Variants in ADRA1A observed in about 807,000 individuals in gnomAD.
The protein encoded by ADRA1A is alpha-1A adrenergic receptor.
Under a neutral mutation model 29.6 loss-of-function variants are expected in ADRA1A, and 31 were observed. That is an observed-to-expected ratio of 1.05 (90% CI 0.79 to 1.41). The LOEUF (loss-of-function observed/expected upper bound fraction) is 1.41, where lower values mean the gene tolerates loss of function less well. Ranked by LOEUF, ADRA1A falls within the 40% of genes most tolerant of loss-of-function variation. ADRA1A has a pLI of 0.00. For missense variants in ADRA1A, 619 were observed against 601.1 expected, an observed-to-expected ratio of 1.03 and a Z score of -0.31; for synonymous variants, 311 against 254.3, an observed-to-expected ratio of 1.22 and a Z score of -2.12.
chr8:26,783,774 CAACCCA>C (rs1208889028), intron 2 of ADRA1A, among the ~76,000 whole-genome samples: 5 of 152,164 alleles, frequency 3.3e-5, no homozygotes, highest in African/African-American at 1.2e-4. Context: ...GACATGGAAT[CAACCCA>C]AATGCCCATC....
At chr8:26,803,511 A>T (rs1418347577) in intron 2 of ADRA1A, among the ~76,000 whole-genome samples, 2 of 152,204 alleles carry the variant, frequency 1.3e-5, no homozygotes, top group Non-Finnish European at 2.9e-5. Context: ...TACCTTTGTG[A>T]TCCTAGAGTA....
In ADRA1A at chr8:26,866,117, G is replaced by A. The variant is rs993978263; in HGVS notation, c.-686-462C>T. ...ACCTGGAGGGGGCGGCCTGGGAGAG[G>A]GAACAGCTGCGACCCAGGGACCTCA... On this transcript the variant is annotated intron_variant, in intron 1 of 2. Coordinates refer to ENST00000380573, the MANE Select transcript of ADRA1A (RefSeq NM_000680.4). This position sits in a 1 kb window ranked among gnomAD's most constrained non-coding sequence, Gnocchi z 5.7. Among the ~76,000 whole-genome samples the A allele has an allele frequency of 6.6e-6, 1 of 152,154 alleles. No homozygotes were observed. The highest frequency in any genetic ancestry group is 6.5e-5 in the Admixed American group (1 of 15,290).
At chr8:26,857,473 C>T (rs895310465) in intron 2 of ADRA1A, among the ~76,000 whole-genome samples, 12 of 152,052 alleles carry the variant, frequency 7.9e-5, no homozygotes, top group South Asian at 2.1e-4. Flanking sequence ...TCAAGACCAG[C>T]CTGGACAACA....
chr8:26,855,333 T>A (rs1357769383), intron 2 of ADRA1A, among the ~76,000 whole-genome samples: 1 of 151,754 alleles, frequency 6.6e-6, no homozygotes. Flanking sequence ...CATTTGCATA[T>A]AGTGTGAGAA....
At chr8:26,798,497 A>G (rs533127394) in intron 2 of ADRA1A, among the ~76,000 whole-genome samples, 2 of 152,182 alleles carry the variant, frequency 1.3e-5, no homozygotes, top group South Asian at 4.1e-4. Context: ...CCTCCTGCTT[A>G]TTCTCATTTA....
intron 2 of ADRA1A, among the ~76,000 whole-genome samples, chr8:26,758,816 A>G (rs1282965937): frequency 6.6e-6 from 1 of 152,128 alleles, no homozygotes; most frequent in Non-Finnish European, 1.5e-5. Flanking sequence ...TCTTTCCAGT[A>G]TTTCTCTTTT....
At chr8:26,781,063 C>A (rs144726276) in intron 2 of ADRA1A, among the ~76,000 whole-genome samples, 25 of 152,314 alleles carry the variant, frequency 1.6e-4, no homozygotes, top group African/African-American at 5.8e-4. Flanking sequence ...ACCATCCTCC[C>A]ATCTCCAGGC....
chr8:26,848,025 C>G lies in ADRA1A; in HGVS notation c.883+16062G>C, dbSNP rs1431865441. Among the ~76,000 whole-genome samples, 3 of 152,220 alleles carry G rather than the reference C, an allele frequency of 2.0e-5. No individual in the cohort carries two copies. Among genetic ancestry groups the G allele is most frequent in the Non-Finnish European group, 4.4e-5 (3 of 68,044 alleles). On this transcript the variant is annotated intron_variant, in intron 2 of 2. Transcript: ENST00000380573. The surrounding 1 kb of genome is among the most constrained non-coding windows in gnomAD (Gnocchi z 4.3). ...AGCCACTGGCTCAACCCAAGCCCCT[C>G]TCCTACAGATGAGGACACCAGAGTG... is the stretch of plus-strand genomic sequence containing the variant.
In ADRA1A at chr8:26,860,896, A is replaced by G. The variant is rs1244652860; in HGVS notation, c.883+3191T>C. 6.6e-6 allele frequency among the ~76,000 whole-genome samples: 1 copy of G among 152,122 alleles called. No homozygotes were observed. Among genetic ancestry groups the G allele is most frequent in the African/African-American group, 2.4e-5 (1 of 41,420 alleles). ...CCTCCCACCATTGAAAGCTCTCTCT[A>G]TACCCCTCCAGCTACACCGCATCTC... On this transcript the variant is annotated intron_variant, in intron 2 of 2. Coordinates refer to ENST00000380573, the MANE Select transcript of ADRA1A (RefSeq NM_000680.4). This position sits in a 1 kb window ranked among gnomAD's most constrained non-coding sequence, Gnocchi z 4.7.
chr8:26,864,980 G>C lies in ADRA1A; in HGVS notation c.-11C>G, dbSNP rs748937966. The C allele has an allele frequency of 3.2e-6, 5 of 1,582,928 alleles. No individual in the cohort carries two copies. The highest frequency in any genetic ancestry group is 3.4e-4 in the Middle Eastern group (2 of 5,932). ...CGAGAGAAACACCATGGTCCCAGCC[G>C]GGGCCGGGCGAGGTCCGGCTGTCCA... On this transcript the variant is annotated 5_prime_UTR_variant, in exon 2 of 3. Transcript: ENST00000380573. The surrounding 1 kb of genome is among the most constrained non-coding windows in gnomAD (Gnocchi z 8.1).
chr8:26,859,191 T>C (rs1813263724), intron 2 of ADRA1A: 1 of 1,288,032 alleles, frequency 7.8e-7, no homozygotes. Flanking sequence ...ACGTCATATT[T>C]AAGAATGTAT....
Position 26,864,720 on chromosome 8 carries a change from C to A in ADRA1A, c.250G>T (p.Ala84Ser), listed in dbSNP as rs765619798. The part of the protein sequence containing the change: ...LLTSTVLPFS[A>S]IFEVLGYWAF... ...CAGTAGCCTAGGACCTCGAAGATGG[C>A]GGAGAAGGGCAGCACCGTGGAGGTG... Residue 84 changes from alanine (A) to serine (S), a missense_variant, in exon 2 of 3, where the codon GCC (alanine) becomes TCC (serine). Physicochemically the swap from Ala to Ser is moderately conservative, Grantham distance 99. Coordinates refer to ENST00000380573, the MANE Select transcript of ADRA1A (RefSeq NM_000680.4). This position sits in a 1 kb window ranked among gnomAD's most constrained non-coding sequence, Gnocchi z 8.1. 1 of 1,614,120 alleles carries A rather than the reference C, an allele frequency of 6.2e-7. No homozygotes were observed. Among genetic ancestry groups the A allele is most frequent in the Non-Finnish European group, 8.5e-7 (1 of 1,180,026 alleles).
downstream of ADRA1A, chr8:26,756,349 A>T: frequency 3.9e-6 from 4 of 1,036,948 alleles, no homozygotes; most frequent in Non-Finnish European, 5.0e-6. Context: ...TCCCCTTTTA[A>T]AAATGCCATT....
At chr8:26,752,175 C>G (rs1442010103), downstream of ADRA1A, among the ~76,000 whole-genome samples, 1 of 152,028 alleles carries the variant, frequency 6.6e-6, no homozygotes, top group African/African-American at 2.4e-5. Context: ...GGTAAAGATG[C>G]ATGTTTTCAG....
chr8:26,803,576 T>C (rs1808754940), intron 2 of ADRA1A, among the ~76,000 whole-genome samples: 1 of 152,120 alleles, frequency 6.6e-6, no homozygotes, highest in South Asian at 2.1e-4. Context: ...AGTAGATAAA[T>C]AAGCTTGATC....
downstream of ADRA1A, among the ~76,000 whole-genome samples, chr8:26,753,457 T>A (rs950458431): frequency 1.3e-5 from 2 of 152,164 alleles, no homozygotes; most frequent in African/African-American, 2.4e-5. Context: ...TCTATTTTTT[T>A]TTAAAGTGAG....
At chr8:26,847,877 T>C (rs985493531) in intron 2 of ADRA1A, among the ~76,000 whole-genome samples, 21 of 152,322 alleles carry the variant, frequency 1.4e-4, no homozygotes, top group African/African-American at 4.8e-4. Context: ...GAGGGCTGAG[T>C]GTTCAGGACG....
At chr8:26,748,750 T>TAAA (rs35884587) in intron 2 of ADRA1A, 426 of 303,454 alleles carry the variant, frequency 1.4e-3, no homozygotes, top group Admixed American at 2.0e-3. Context: ...AGACTTCGTC[T>TAAA]AAAAAAAAAA....
At chr8:26,837,509 G>C (rs1161462539) in intron 2 of ADRA1A, among the ~76,000 whole-genome samples, 1 of 152,130 alleles carries the variant, frequency 6.6e-6, no homozygotes, top group Admixed American at 6.5e-5. Context: ...AAATTAGCCA[G>C]GTATGGTGGT....
Sources: gnomAD v4.1 joint callset for allele counts (sites outside exome capture counted in the v4.1 genomes callset) on GRCh38, gnomAD v4.1.1 for gene constraint, Gnocchi (gnomAD v3.1) non-coding constraint, MANE v1.5 for transcripts, NCBI Gene and HGNC (gene_info 2026-07-23, HGNC 2026-07-21) for gene names.